LNPK: variants seen among roughly 807,000 people sequenced by gnomAD.
LNPK encodes the protein lunapark, ER junction formation factor, also known as endoplasmic reticulum junction formation protein lunapark.
A neutral mutation model predicts 55.2 loss-of-function variants in LNPK; 29 were observed. That is an observed-to-expected ratio of 0.53 (90% CI 0.39 to 0.72). LNPK has a LOEUF of 0.72. Ranked by LOEUF, LNPK falls within the 30% of genes least tolerant of loss-of-function variation. The probability of loss-of-function intolerance (pLI) is 0.00; values close to 1 mark genes in which losing one functional copy is unlikely to be tolerated. For synonymous variants in LNPK, 162 were observed against 168.2 expected, an observed-to-expected ratio of 0.96 and a Z score of 0.29; for missense variants, 467 against 494.8, an observed-to-expected ratio of 0.94 and a Z score of 0.53.
At chr2:175,958,453 T>G (rs1685812553) in intron 8 of LNPK, among the ~76,000 whole-genome samples, 1 of 152,128 alleles carries the variant, frequency 6.6e-6, no homozygotes, top group South Asian at 2.1e-4. Flanking sequence ...TCCAGCAAAC[T>G]GCAACCGACC....
intron 4 of LNPK, among the ~76,000 whole-genome samples, chr2:175,986,463 A>T (rs940090145): frequency 6.6e-6 from 1 of 152,156 alleles, no homozygotes; most frequent in African/African-American, 2.4e-5. Flanking sequence ...ATCACTATGT[A>T]TCAAGACCCA....
intron 6 of LNPK, 31 bp from the exon 7 acceptor site, chr2:175,964,620 A>T (rs1208914924): frequency 1.8e-6 from 2 of 1,119,004 alleles, no homozygotes; most frequent in Non-Finnish European, 2.7e-6. Flanking sequence ...AAATTGTCAC[A>T]CTTCAAAACA....
Position 175,939,641 on chromosome 2 carries a change from A to G in LNPK, c.723T>C (p.Gly241=), listed in dbSNP as rs778394891. 1.9e-6 allele frequency: 3 copies of G among 1,575,806 alleles called. No homozygotes were observed. The highest frequency in any genetic ancestry group is 2.6e-6 in the Non-Finnish European group (3 of 1,150,102). ...SVPGMGLHPP[G]PPLARPILPR... ...GGAGAATAGGTCTTGCTAAAGGTGG[A>G]CCTGGAGGATGAAGACCTATTAAAT... The change falls in exon 10 of 13, where the codon GGT becomes GGC. Residue 241 remains glycine, a synonymous_variant. Coordinates refer to ENST00000272748, the MANE Select transcript of LNPK (RefSeq NM_030650.3).
At chr2:175,966,210 C>T (rs1425314134) in intron 6 of LNPK, among the ~76,000 whole-genome samples, 3 of 152,084 alleles carry the variant, frequency 2.0e-5, no homozygotes, top group Non-Finnish European at 4.4e-5. Context: ...ATTACAGATG[C>T]GCGCCACCAC....
At chr2:175,951,381 C>A (rs149897684) in intron 8 of LNPK, among the ~76,000 whole-genome samples, 2 of 151,708 alleles carry the variant, frequency 1.3e-5, no homozygotes, top group Non-Finnish European at 1.5e-5. Context: ...CCCGCCCTTT[C>A]CCCTGAGTCC....
intron 8 of LNPK, among the ~76,000 whole-genome samples, chr2:175,952,186 A>G (rs1302170216): frequency 6.6e-6 from 1 of 151,914 alleles, no homozygotes; most frequent in Non-Finnish European, 1.5e-5. Context: ...TTTCCCTAGC[A>G]CTGGTCAAAG....
At chr2:175,970,057 A>T (rs1345486125) in intron 6 of LNPK, among the ~76,000 whole-genome samples, 1 of 152,232 alleles carries the variant, frequency 6.6e-6, no homozygotes, top group East Asian at 1.9e-4. Context: ...ACATTTCTAT[A>T]CAACATAATA....
intron 9 of LNPK, chr2:175,941,067 A>C (rs2360059): frequency 0.072 from 30,864 of 426,942 alleles, 1,396 homozygotes; most frequent in Admixed American, 0.098. Flanking sequence ...GGGCAATATG[A>C]GGAAGCCCCA....
At chr2:176,001,981 T>C (rs193133221) in intron 1 of LNPK, among the ~76,000 whole-genome samples, 179 bp downstream of exon 1, 1 of 152,376 alleles carries the variant, frequency 6.6e-6, no homozygotes, top group African/African-American at 2.4e-5. Context: ...AGCCTGGGTC[T>C]GCGCGGACCA....
Position 175,937,326 on chromosome 2 carries a change from T to C in LNPK, c.1054+18A>G, listed in dbSNP as rs1249043048. 8 of 1,605,624 alleles carry C rather than the reference T, an allele frequency of 5.0e-6. No individual in the cohort carries two copies. The African/African-American group carries it at 5.4e-5, about 11-fold the overall frequency. On this transcript the variant is annotated intron_variant, in intron 12 of 12. Coordinates refer to ENST00000272748, the MANE Select transcript of LNPK (RefSeq NM_030650.3). ...AACACATGTTATTAAGGGGCAAAACTGTTTAACATATTCATACCTTCATTA... is the reference window on the plus strand; with the variant it reads ...AACACATGTTATTAAGGGGCAAAACCGTTTAACATATTCATACCTTCATTA...
intron 12 of LNPK, among the ~76,000 whole-genome samples, chr2:175,936,952 C>T (rs1684575199): frequency 6.6e-6 from 1 of 152,080 alleles, no homozygotes; most frequent in Non-Finnish European, 1.5e-5. Flanking sequence ...AGATACAAAC[C>T]TATTTTATCA....
intron 11 of LNPK, among the ~76,000 whole-genome samples, 181 bp downstream of exon 11, chr2:175,938,132 T>C (rs371406849): frequency 6.6e-5 from 10 of 152,258 alleles, no homozygotes; most frequent in African/African-American, 1.9e-4. Context: ...GGCTGTACAT[T>C]ATATAGGAAG....
intron 6 of LNPK, 124 bp from the exon 7 acceptor site, chr2:175,964,713 T>C: frequency 1.6e-6 from 1 of 624,324 alleles, no homozygotes; most frequent in Non-Finnish European, 2.8e-6. Flanking sequence ...ACTTCCTACA[T>C]TCGAATAATT....
rs1684023521 is a variant in LNPK, at chr2:175,926,725, G to A, written c.*3242C>T. On this transcript the variant is annotated 3_prime_UTR_variant, in exon 13 of 13. Transcript: ENST00000272748. ...CATCATTATTAATGCAATGTGAACA[G>A]AGAAATGAGAATATAACTAGAAGAT... 6.6e-6 allele frequency: 1 copy of A among 152,164 alleles called. No homozygotes were observed. Among genetic ancestry groups the A allele is most frequent in the Admixed American group, 6.5e-5 (1 of 15,270 alleles). The allele number at this position is 152,164 out of a possible 1,614,324, so 9.4% of individuals were successfully genotyped here. A position where few individuals can be genotyped will look rare whatever the true frequency, so the allele number is the denominator to read the frequency against.
At chr2:175,949,271 C>T (rs550626026) in intron 8 of LNPK, among the ~76,000 whole-genome samples, 5 of 152,188 alleles carry the variant, frequency 3.3e-5, no homozygotes, top group South Asian at 2.1e-4. Context: ...CATATCCTAA[C>T]GTCTGCAAAT....
At chr2:175,993,835 G>A (rs978466141) in intron 2 of LNPK, among the ~76,000 whole-genome samples, 2 of 151,518 alleles carry the variant, frequency 1.3e-5, no homozygotes, top group African/African-American at 4.9e-5. Context: ...AAAAACACAC[G>A]TTTTCCTCCA....
rs1437835022 is a variant in LNPK at position 175,930,273 on chromosome 2, TAAACACACACAC to T, written c.1055-86_1055-75del. ...TGCTAAATAAGGCAAGCAAAAAAGA[TAAACACACACAC>T]ACACACACACACACACACACACACA... On this transcript the variant is annotated intron_variant, in intron 12 of 12. Coordinates refer to ENST00000272748, the MANE Select transcript of LNPK (RefSeq NM_030650.3). 4.6e-4 allele frequency: 344 copies of T among 751,598 alleles called. 1 individual carries two copies. The highest frequency in any genetic ancestry group is 5.8e-4 in the Middle Eastern group (2 of 3,468). 46.6% of individuals were successfully genotyped at this position (751,598 alleles called of 1,614,324 possible).
intron 1 of LNPK, among the ~76,000 whole-genome samples, chr2:175,997,269 T>C (rs992857535): frequency 1.3e-5 from 2 of 152,194 alleles, no homozygotes; most frequent in Non-Finnish European, 2.9e-5. Flanking sequence ...ATCTAAATAT[T>C]ATTAATCATT....
At chr2:175,942,279 G>A (rs957794896) in intron 9 of LNPK, among the ~76,000 whole-genome samples, 1 of 152,180 alleles carries the variant, frequency 6.6e-6, no homozygotes, top group Non-Finnish European at 1.5e-5. Context: ...GGAAGGATAT[G>A]TATAGATTAT....
Sources: allele counts gnomAD v4.1 joint callset (sites outside exome capture counted in the v4.1 genomes callset), GRCh38; gene constraint gnomAD v4.1.1; transcripts MANE v1.5; gene names NCBI Gene and HGNC (gene_info 2026-07-23, HGNC 2026-07-21).